Variants in GALNTL6 observed in about 807,000 individuals in gnomAD.
GALNTL6 encodes polypeptide N-acetylgalactosaminyltransferase like 6, also known as polypeptide N-acetylgalactosaminyltransferase-like 6.
A neutral mutation model predicts 73.7 loss-of-function variants in GALNTL6; 46 were observed. The ratio of observed to expected loss-of-function variants is 0.62; its 90% confidence interval spans 0.49 to 0.80. The LOEUF (loss-of-function observed/expected upper bound fraction) is 0.80, where lower values mean the gene tolerates loss of function less well. Ranked by LOEUF, GALNTL6 falls within the 30% of genes least tolerant of loss-of-function variation. The probability of loss-of-function intolerance (pLI) is 0.00; values close to 1 mark genes in which losing one functional copy is unlikely to be tolerated. For synonymous variants in GALNTL6, 259 were observed against 263.7 expected (o/e 0.98, Z 0.17); for missense variants, 604 against 755.0 (o/e 0.80, Z 2.34).
intron 5 of GALNTL6, among the ~76,000 whole-genome samples, chr4:172,502,299 A>G (rs1033918940): frequency 6.6e-6 from 1 of 152,192 alleles, no homozygotes; most frequent in Non-Finnish European, 1.5e-5. Flanking sequence ...ATAATATTTT[A>G]TGTTGCCTTA....
intron 2 of GALNTL6, among the ~76,000 whole-genome samples, chr4:172,189,054 CTG>C (rs1208669185): frequency 6.6e-6 from 1 of 152,160 alleles, no homozygotes; most frequent in African/African-American, 2.4e-5. Flanking sequence ...TTCTTGTTAA[CTG>C]TGTTTTCAGG....
chr4:172,617,275 C>G (rs1436994953), intron 5 of GALNTL6, among the ~76,000 whole-genome samples: 1 of 151,572 alleles, frequency 6.6e-6, no homozygotes, highest in Non-Finnish European at 1.5e-5. Context: ...ATAACAGCAT[C>G]TCAGGAATGA....
chr4:172,742,461 G>A (rs1178350909), intron 5 of GALNTL6, among the ~76,000 whole-genome samples: 2 of 150,916 alleles, frequency 1.3e-5, no homozygotes, highest in African/African-American at 4.9e-5. Context: ...AAGTGGCTAT[G>A]TGTAATCTGT....
intron 7 of GALNTL6, among the ~76,000 whole-genome samples, chr4:172,855,347 T>G (rs1744071152): frequency 6.6e-6 from 1 of 152,164 alleles, no homozygotes; most frequent in South Asian, 2.1e-4. Flanking sequence ...TTGATTGTAA[T>G]GGAAAGATAT....
chr4:172,263,381 G>A (rs997251467), intron 3 of GALNTL6, among the ~76,000 whole-genome samples: 5 of 151,410 alleles, frequency 3.3e-5, no homozygotes, highest in Admixed American at 2.0e-4. Context: ...GAACTCTGAA[G>A]TTGTTTTTCC....
chr4:172,005,253 T>C (rs1207334664), intron 2 of GALNTL6, among the ~76,000 whole-genome samples: 11 of 151,996 alleles, frequency 7.2e-5, no homozygotes, highest in Admixed American at 7.2e-4. Context: ...GCCTCCCAAA[T>C]AGCTGGGACC....
At chr4:172,529,006 T>A in intron 5 of GALNTL6, among the ~76,000 whole-genome samples, 1 of 31,684 alleles carries the variant, frequency 3.2e-5, no homozygotes, top group Non-Finnish European at 5.5e-5. Context: ...TATATATATA[T>A]ACACACACAC....
intron 5 of GALNTL6, among the ~76,000 whole-genome samples, chr4:172,583,945 A>G (rs1379846196): frequency 6.6e-6 from 1 of 151,816 alleles, no homozygotes; most frequent in Non-Finnish European, 1.5e-5. Flanking sequence ...GTAGAACGCA[A>G]TGTAAACTGT....
chr4:172,647,184 T>A (rs1413765829), intron 5 of GALNTL6, among the ~76,000 whole-genome samples: 1 of 152,066 alleles, frequency 6.6e-6, no homozygotes, highest in Non-Finnish European at 1.5e-5. Context: ...CCATCCTCAT[T>A]CCCTTTCACC....
At chr4:172,210,443 A>G (rs946570641) in intron 2 of GALNTL6, among the ~76,000 whole-genome samples, 1 of 152,244 alleles carries the variant, frequency 6.6e-6, no homozygotes, top group African/African-American at 2.4e-5. Flanking sequence ...ACAGTTTATC[A>G]GATTCCTTGT....
At chr4:172,052,401 C>G (rs1730900778) in intron 2 of GALNTL6, 1 of 1,429,000 alleles carries the variant, frequency 7.0e-7, no homozygotes, top group Non-Finnish European at 9.5e-7. Context: ...ATAGTAACCA[C>G]AAGCTCCAGA....
chr4:172,876,139 G>A (rs1225229468), intron 7 of GALNTL6, among the ~76,000 whole-genome samples: 1 of 152,142 alleles, frequency 6.6e-6, no homozygotes, highest in East Asian at 1.9e-4. Flanking sequence ...TCCTTTCACA[G>A]AGGAGTCTAC....
At chr4:172,246,171 G>A (rs929673342) in intron 3 of GALNTL6, among the ~76,000 whole-genome samples, 10 of 152,120 alleles carry the variant, frequency 6.6e-5, no homozygotes, top group African/African-American at 4.8e-5. Context: ...GACCAGGAGA[G>A]CACAATAGAA....
chr4:172,337,693 GT>G (rs754345651), intron 4 of GALNTL6, among the ~76,000 whole-genome samples: 4 of 91,710 alleles, frequency 4.4e-5, no homozygotes, highest in South Asian at 4.8e-4. Flanking sequence ...CGTCTTTAAG[GT>G]TTTTTGTTTT....
At chr4:171,872,745 G>A (rs1360776841) in intron 2 of GALNTL6, among the ~76,000 whole-genome samples, 4 of 152,114 alleles carry the variant, frequency 2.6e-5, no homozygotes, top group Non-Finnish European at 5.9e-5. Flanking sequence ...AAGAACACCA[G>A]TCATATTGAA....
chr4:172,467,063 T>C (rs1732849864), intron 5 of GALNTL6, among the ~76,000 whole-genome samples: 1 of 152,112 alleles, frequency 6.6e-6, no homozygotes, highest in Non-Finnish European at 1.5e-5. Flanking sequence ...GCCTTATTAA[T>C]CAATACATCA....
chr4:172,220,909 A>G (rs1382950578), intron 2 of GALNTL6, among the ~76,000 whole-genome samples: 1 of 151,906 alleles, frequency 6.6e-6, no homozygotes, highest in Non-Finnish European at 1.5e-5. Context: ...TATTGTGAAC[A>G]TGATGATAAC....
At chr4:172,853,290 C>T (rs565089111) in intron 7 of GALNTL6, among the ~76,000 whole-genome samples, 1 of 152,188 alleles carries the variant, frequency 6.6e-6, no homozygotes, top group Non-Finnish European at 1.5e-5. Context: ...CACTTCCTTG[C>T]CATGAGGGGT....
In GALNTL6 at chr4:172,528,051, AC is replaced by A. The variant is rs558706085; in HGVS notation, c.553+179363del. Among the ~76,000 whole-genome samples, 4 of 151,836 alleles carry A rather than the reference AC, an allele frequency of 2.6e-5. No individual in the cohort carries two copies. The South Asian group carries it at 8.3e-4, about 32-fold the overall frequency. On this transcript the variant is annotated intron_variant, in intron 5 of 12. Transcript: ENST00000506823. ...ATTGTACTTATTAATTAAAGAATTT[AC>A]AGATAGTAACTTAATTCTGAAAGTA...
Sources: allele counts gnomAD v4.1 joint callset (sites outside exome capture counted in the v4.1 genomes callset), GRCh38; gene constraint gnomAD v4.1.1; transcripts MANE v1.5; gene names NCBI Gene and HGNC (gene_info 2026-07-23, HGNC 2026-07-21).